Variants in ADAMTS3 observed in about 807,000 individuals in gnomAD.
ADAMTS3 encodes ADAM metallopeptidase with thrombospondin type 1 motif 3.
In ADAMTS3, 73 loss-of-function variants were observed where a neutral mutation model predicts 129.0. The ratio of observed to expected loss-of-function variants is 0.57; its 90% confidence interval spans 0.47 to 0.69. The LOEUF (loss-of-function observed/expected upper bound fraction) is 0.69. Among genes scored for constraint, ADAMTS3 ranks in the 30% least tolerant of loss-of-function variants. The pLI is 0.00. For missense variants in ADAMTS3, 1,457 were observed against 1,514.5 expected, an observed-to-expected ratio of 0.96 and a Z score of 0.63; for synonymous variants, 477 against 510.8, an observed-to-expected ratio of 0.93 and a Z score of 0.89.
intron 3 of ADAMTS3, among the ~76,000 whole-genome samples, chr4:72,477,923 A>T (rs886455539): frequency 2.0e-3 from 301 of 152,324 alleles, no homozygotes; most frequent in African/African-American, 6.8e-3. Context: ...CCTCTATGCA[A>T]ATAAACTAGA....
chr4:72,422,662 C>G lies in ADAMTS3; in HGVS notation c.505-7691G>C, dbSNP rs1383912960. On this transcript the variant is annotated intron_variant, in intron 3 of 21. Coordinates refer to ENST00000286657, the MANE Select transcript of ADAMTS3 (RefSeq NM_014243.3). ...AAGAGTTCAGAATTAAGTCAGATAG[C>G]CTCAGATGATGAAAACAGCGATCAC... Among the ~76,000 whole-genome samples, 3 of 152,130 alleles carry G rather than the reference C, an allele frequency of 2.0e-5. No homozygotes were observed. The East Asian group carries it at 5.8e-4, about 29-fold the overall frequency.
chr4:72,389,877 T>C (rs1266380340), intron 4 of ADAMTS3, among the ~76,000 whole-genome samples: 2 of 152,062 alleles, frequency 1.3e-5, no homozygotes, highest in Non-Finnish European at 1.5e-5. Context: ...CAATTTACAA[T>C]AGTTGTTTAG....
chr4:72,476,553 A>G (rs1332658190), intron 3 of ADAMTS3, among the ~76,000 whole-genome samples: 2 of 152,152 alleles, frequency 1.3e-5, no homozygotes, highest in Non-Finnish European at 2.9e-5. Context: ...AGAAGAATTA[A>G]CATCAACTCT....
At chr4:72,346,173 A>G (rs1578601680) in intron 4 of ADAMTS3, among the ~76,000 whole-genome samples, 1 of 152,160 alleles carries the variant, frequency 6.6e-6, no homozygotes, top group East Asian at 1.9e-4. Flanking sequence ...GTCTTCCTGC[A>G]TTACTTTCTT....
At chr4:72,462,443 C>G (rs538314191) in intron 3 of ADAMTS3, among the ~76,000 whole-genome samples, 1 of 152,034 alleles carries the variant, frequency 6.6e-6, no homozygotes, top group African/African-American at 2.4e-5. Context: ...TAGTTCAATC[C>G]CAAGCACATC....
At chr4:72,320,054 A>C in intron 7 of ADAMTS3, 91 bp from the exon 8 acceptor site, 2 of 1,013,624 alleles carry the variant, frequency 2.0e-6, no homozygotes, top group South Asian at 2.9e-5. Context: ...GAAAAAAGTA[A>C]AAGCCTTTCA....
At chr4:72,310,850 T>G (rs1719213467) in intron 14 of ADAMTS3, among the ~76,000 whole-genome samples, 198 bp downstream of exon 14, 1 of 152,128 alleles carries the variant, frequency 6.6e-6, no homozygotes, top group Non-Finnish European at 1.5e-5. Context: ...TATTTAAACC[T>G]TGATTCTGCC....
At chr4:72,373,183 C>T (rs927028389) in intron 4 of ADAMTS3, among the ~76,000 whole-genome samples, 16 of 152,024 alleles carry the variant, frequency 1.1e-4, no homozygotes, top group African/African-American at 1.7e-4. Flanking sequence ...CAACTTACAC[C>T]GCATATATCA....
rs145704360 is a variant in ADAMTS3, at chr4:72,461,161, C to G, written c.505-46190G>C. On this transcript the variant is annotated intron_variant, in intron 3 of 21. Coordinates refer to ENST00000286657, the MANE Select transcript of ADAMTS3 (RefSeq NM_014243.3). ...TATCAACTCGATGAACTATGAAAAA[C>G]CCATTAAGAAGAATGTAAAACAAAA... Among the ~76,000 whole-genome samples the G allele has an allele frequency of 2.7e-3, 403 of 151,570 alleles. 3 individuals are homozygous for G. Among genetic ancestry groups the G allele is most frequent in the African/African-American group, 9.4e-3 (391 of 41,422 alleles).
chr4:72,440,385 T>G (rs1256781344), intron 3 of ADAMTS3, among the ~76,000 whole-genome samples: 1 of 151,816 alleles, frequency 6.6e-6, no homozygotes. Flanking sequence ...AAATTTTGGC[T>G]TACTGTCCAC....
At chr4:72,416,935 T>A (rs1295709111) in intron 3 of ADAMTS3, among the ~76,000 whole-genome samples, 1 of 152,190 alleles carries the variant, frequency 6.6e-6, no homozygotes, top group Non-Finnish European at 1.5e-5. Context: ...GGATAAAATG[T>A]TATCTCATCC....
chr4:72,467,299 G>A (rs767356194), intron 3 of ADAMTS3, among the ~76,000 whole-genome samples: 1 of 151,828 alleles, frequency 6.6e-6, no homozygotes, highest in African/African-American at 2.4e-5. Flanking sequence ...TCACTGTCTC[G>A]AGGCTTACTC....
At chr4:72,488,415 T>G (rs1719646384) in intron 3 of ADAMTS3, among the ~76,000 whole-genome samples, 1 of 152,048 alleles carries the variant, frequency 6.6e-6, no homozygotes, top group Non-Finnish European at 1.5e-5. Flanking sequence ...TCAGATAGCT[T>G]ACTCTTCTGA....
intron 3 of ADAMTS3, among the ~76,000 whole-genome samples, chr4:72,454,954 T>C (rs1004818098): frequency 1.3e-5 from 2 of 151,848 alleles, no homozygotes; most frequent in East Asian, 3.9e-4. Context: ...TAACAAAATT[T>C]AAACACACTG....
intron 4 of ADAMTS3, among the ~76,000 whole-genome samples, chr4:72,384,438 T>C (rs1428829668): frequency 6.6e-6 from 1 of 152,162 alleles, no homozygotes; most frequent in Non-Finnish European, 1.5e-5. Flanking sequence ...ATACTATTTA[T>C]GGGAGAATAA....
At chr4:72,318,354 T>C (rs549471504) in intron 10 of ADAMTS3, among the ~76,000 whole-genome samples, 1 of 152,276 alleles carries the variant, frequency 6.6e-6, no homozygotes, top group Admixed American at 6.5e-5. Flanking sequence ...TTATCTTCTG[T>C]AAAATAAAAG....
intron 4 of ADAMTS3, among the ~76,000 whole-genome samples, chr4:72,381,834 A>G (rs945790077): frequency 1.3e-5 from 2 of 152,222 alleles, no homozygotes; most frequent in Non-Finnish European, 2.9e-5. Flanking sequence ...AGTAATTACA[A>G]TAATATAAGA....
intron 3 of ADAMTS3, among the ~76,000 whole-genome samples, chr4:72,515,525 A>G (rs1238488562): frequency 4.0e-5 from 6 of 148,384 alleles, no homozygotes; most frequent in Non-Finnish European, 1.5e-5. Flanking sequence ...AATGATTGCC[A>G]TTCTAACTGG....
chr4:72,468,998 A>T (rs550155968), intron 3 of ADAMTS3, among the ~76,000 whole-genome samples: 2 of 152,128 alleles, frequency 1.3e-5, no homozygotes, highest in South Asian at 4.1e-4. Flanking sequence ...TTTCATATGC[A>T]AGTTCCTATA....
Sources: allele counts gnomAD v4.1 joint callset (sites outside exome capture counted in the v4.1 genomes callset), GRCh38; gene constraint gnomAD v4.1.1; transcripts MANE v1.5; gene names NCBI Gene and HGNC (gene_info 2026-07-23, HGNC 2026-07-21).